MTRF1L: variants seen among roughly 807,000 people sequenced by gnomAD.
MTRF1L encodes the protein mitochondrial translation release factor 1 like, also known as peptide chain release factor 1-like, mitochondrial.
A neutral mutation model predicts 40.0 loss-of-function variants in MTRF1L; 29 were observed. The ratio of observed to expected loss-of-function variants is 0.73; its 90% CI spans 0.54 to 0.99. MTRF1L has a LOEUF of 0.99. Among genes scored for constraint, MTRF1L ranks in the 50% least tolerant of loss-of-function variants. MTRF1L has a pLI of 0.00. For synonymous variants in MTRF1L, 150 were observed against 175.8 expected, an observed-to-expected ratio of 0.85 and a Z score of 1.16; for missense variants, 412 against 464.5, an observed-to-expected ratio of 0.89 and a Z score of 1.04.
In MTRF1L at chr6:152,998,588, T is replaced by G; in HGVS notation, c.301A>C (p.Thr101Pro). Residue 101 changes from threonine to proline, a missense_variant, in exon 2 of 7, where the codon ACT (threonine) becomes CCT (proline). Transcript: ENST00000367233. ...DLRKLAENEITLCQKEITQLK... is the reference protein window; with the variant it reads ...DLRKLAENEIPLCQKEITQLK... Reference sequence around the variant, plus strand: ...TGAGTTATTTCTTTTTGACACAAAGTGATTTCATTCTCTGCAAGTTTCCTT... The same window carrying G: ...TGAGTTATTTCTTTTTGACACAAAGGGATTTCATTCTCTGCAAGTTTCCTT... 6.3e-7 allele frequency: 1 copy of G among 1,598,364 alleles called. No homozygotes were observed. The highest frequency in any genetic ancestry group is 8.5e-7 in the Non-Finnish European group (1 of 1,174,436).
Position 152,990,174 on chromosome 6 carries a change from A to C in MTRF1L, c.943-79T>G, listed in dbSNP as rs908321008. On this transcript the variant is annotated intron_variant, in intron 6 of 6. Transcript: ENST00000367233. Reference sequence around the variant, plus strand: ...ACAAATTTAACTTATTTGGAGACTTAAGTTCTTGATTTATAACATGAATCA... The same window carrying C: ...ACAAATTTAACTTATTTGGAGACTTCAGTTCTTGATTTATAACATGAATCA... 60 of 1,535,844 alleles carry C rather than the reference A, an allele frequency of 3.9e-5. 1 individual carries two copies. The South Asian group carries it at 6.7e-4, about 17-fold the overall frequency.
In MTRF1L at chr6:153,002,575, G is replaced by A. The variant is rs560874630; in HGVS notation, c.111C>T (p.Phe37=). The part of the protein sequence containing the change: ...SSGSPPLEEL[F]TRGGPLRTFL... Reference sequence around the variant, plus strand: ...AGGTCCGCAAGGGCCCGCCCCGGGTGAACAGCTCCTCCAGCGGCGGGCTAC... The same window carrying A: ...AGGTCCGCAAGGGCCCGCCCCGGGTAAACAGCTCCTCCAGCGGCGGGCTAC... The change falls in exon 1 of 7, where the codon TTC becomes TTT. Residue 37 remains phenylalanine, a synonymous_variant. Coordinates refer to ENST00000367233, the MANE Select transcript of MTRF1L (RefSeq NM_019041.7). 132 of 1,563,914 alleles carry A rather than the reference G, an allele frequency of 8.4e-5. 2 individuals carry two copies. In the South Asian group the frequency reaches 1.5e-3, roughly 18 times the overall value.
intron 2 of MTRF1L, among the ~76,000 whole-genome samples, chr6:152,996,017 A>G (rs1257873791): frequency 1.3e-5 from 2 of 152,220 alleles, no homozygotes; most frequent in Non-Finnish European, 2.9e-5. Flanking sequence ...GATTAGGTCA[A>G]TTAATAAGAA....
At chr6:152,997,304 C>T (rs1778746826) in intron 2 of MTRF1L, among the ~76,000 whole-genome samples, 3 of 152,178 alleles carry the variant, frequency 2.0e-5, no homozygotes, top group Non-Finnish European at 4.4e-5. Flanking sequence ...AAACCACAGA[C>T]ATCTCAACTG....
chr6:152,992,530 C>G (rs1778562671), intron 5 of MTRF1L, among the ~76,000 whole-genome samples: 1 of 152,084 alleles, frequency 6.6e-6, no homozygotes, highest in African/African-American at 2.4e-5. Context: ...AGAGCATTTT[C>G]TGATAAAGAA....
At chr6:152,991,461 G>T in intron 5 of MTRF1L, 140 bp from the exon 6 acceptor site, 1 of 1,001,454 alleles carries the variant, frequency 1.0e-6, no homozygotes, top group Non-Finnish European at 1.4e-6. Context: ...AAAAGGGAGA[G>T]ACTATAAGCT....
intron 1 of MTRF1L, 27 bp downstream of exon 1, chr6:153,002,400 C>G (rs761167905): frequency 6.2e-7 from 1 of 1,613,896 alleles, no homozygotes; most frequent in South Asian, 1.1e-5. Context: ...TGTGCTCTGA[C>G]GCCTCTCCCC....
chr6:152,999,172 GTCTC>G (rs778906346), intron 1 of MTRF1L, among the ~76,000 whole-genome samples: 3 of 152,062 alleles, frequency 2.0e-5, no homozygotes, highest in African/African-American at 7.2e-5. Flanking sequence ...GTACTCCTCT[GTCTC>G]TCTCTCTGGC....
rs1443823384 is a variant in MTRF1L at position 152,989,923 on chromosome 6, A to G, written c.1115T>C (p.Leu372Ser). Residue 372 changes from leucine to serine, a missense_variant, in exon 7 of 7, where the codon TTA (leucine) becomes TCA (serine). By Grantham distance (145) the Leu-to-Ser change is moderately radical. Transcript: ENST00000367233. ...SLKEYADYES[L>S]VEIISQKV ...AACTTTTTGGGAAATAATTTCTACTAAAGATTCATAATCGGCGTATTCCTT... is the reference window on the plus strand; with the variant it reads ...AACTTTTTGGGAAATAATTTCTACTGAAGATTCATAATCGGCGTATTCCTT... 2 of 1,612,830 alleles carry G rather than the reference A, an allele frequency of 1.2e-6. No homozygotes were observed. Among genetic ancestry groups the G allele is most frequent in the South Asian group, 1.1e-5 (1 of 90,528 alleles).
chr6:153,000,795 T>C (rs73634633), intron 1 of MTRF1L, among the ~76,000 whole-genome samples: 4,112 of 151,884 alleles, frequency 0.027, 193 homozygotes, highest in African/African-American at 0.093. Flanking sequence ...AATGACAAAA[T>C]TGCCAAATCT....
At chr6:152,991,607 C>G (rs997367392) in intron 5 of MTRF1L, among the ~76,000 whole-genome samples, 3 of 152,088 alleles carry the variant, frequency 2.0e-5, no homozygotes, top group African/African-American at 4.8e-5. Context: ...AGTGCAGTGG[C>G]GCGATCTCGG....
At chr6:152,994,474 C>A in intron 4 of MTRF1L, 39 bp downstream of exon 4, 1 of 1,566,678 alleles carries the variant, frequency 6.4e-7, no homozygotes, top group Admixed American at 1.8e-5. Flanking sequence ...AGGCACTGTG[C>A]TAGGCCCGGG....
At chr6:153,002,001 G>A (rs1778933468) in intron 1 of MTRF1L, among the ~76,000 whole-genome samples, 1 of 152,160 alleles carries the variant, frequency 6.6e-6, no homozygotes, top group Non-Finnish European at 1.5e-5. Context: ...AGGCCATACT[G>A]AATTTCCCAA....
At chr6:152,997,961 C>A (rs1036335358) in intron 2 of MTRF1L, among the ~76,000 whole-genome samples, 9 of 151,984 alleles carry the variant, frequency 5.9e-5, no homozygotes, top group Non-Finnish European at 1.3e-4. Flanking sequence ...ACCCTCAGTT[C>A]TTTAGGGATG....
In MTRF1L at chr6:152,990,083, C is replaced by G. The variant is rs745661552; in HGVS notation, c.955G>C (p.Gly319Arg). The change falls in exon 7 of 7, where the codon GGA (glycine) becomes CGA (arginine). Residue 319 changes from glycine (G) to arginine (R), a missense_variant. By Grantham distance (125) the Gly-to-Arg change is moderately radical. Coordinates refer to ENST00000367233, the MANE Select transcript of MTRF1L (RefSeq NM_019041.7). ...TATGTTCTTATTTTCTCTGATCTTCCTTTACTTCCAATCTGTATATAGAGA... is the reference window on the plus strand; with the variant it reads ...TATGTTCTTATTTTCTCTGATCTTCGTTTACTTCCAATCTGTATATAGAGA... The part of the protein sequence containing the change: ...NARKIQIGSK[G>R]RSEKIRTYNF... The G allele has an allele frequency of 5.0e-6, 8 of 1,613,814 alleles. No homozygotes were observed. In the South Asian group the frequency reaches 8.8e-5, roughly 18 times the overall value.
At chr6:152,994,797 C>T in intron 3 of MTRF1L, 121 bp from the exon 4 acceptor site, 3 of 1,163,922 alleles carry the variant, frequency 2.6e-6, no homozygotes, top group South Asian at 1.3e-5. Context: ...AACATGGAGA[C>T]TGTAAAACAT....
chr6:152,991,881 A>T (rs986200005), intron 5 of MTRF1L, among the ~76,000 whole-genome samples: 7 of 152,216 alleles, frequency 4.6e-5, no homozygotes, highest in African/African-American at 1.4e-4. Context: ...GAAGGCATAC[A>T]TACTAAACAA....
Position 152,995,070 on chromosome 6 carries a change from T to C in MTRF1L, c.523+66A>G, listed in dbSNP as rs116917528. 32 of 1,373,856 alleles carry C rather than the reference T, an allele frequency of 2.3e-5. No individual in the cohort carries two copies. In the East Asian group the frequency reaches 6.9e-4, roughly 30 times the overall value. 85.1% of individuals were successfully genotyped at this position (1,373,856 alleles called of 1,614,324 possible). On this transcript the variant is annotated intron_variant, in intron 3 of 6. Transcript: ENST00000367233. ...ATCCTCACAGATAAGTTCTAAAGCC[T>C]AGTCATGGTCTTTCCAACTCTTTTC...
intron 1 of MTRF1L, 128 bp downstream of exon 1, chr6:153,002,299 T>G: frequency 7.1e-7 from 1 of 1,410,028 alleles, no homozygotes; most frequent in Non-Finnish European, 9.9e-7. Context: ...TGTCCTGACC[T>G]CTGATCCAAA....
Sources: gnomAD v4.1 joint callset for allele counts (sites outside exome capture counted in the v4.1 genomes callset) on GRCh38, gnomAD v4.1.1 for gene constraint, MANE v1.5 for transcripts, NCBI Gene and HGNC (gene_info 2026-07-23, HGNC 2026-07-21) for gene names.